Variants in NUP153 observed in about 807,000 individuals in gnomAD.
The protein encoded by NUP153 is nucleoporin 153, also known as nuclear pore complex protein Nup153.
NUP153 carries 27 observed loss-of-function variants against 134.6 expected under a neutral mutation model. That is an observed-to-expected ratio of 0.20 (90% CI 0.15 to 0.28). NUP153 has a LOEUF of 0.28. Among genes scored for constraint, NUP153 ranks in the 10% least tolerant of loss-of-function variants. The pLI is 1.00. For missense variants in NUP153, 1,821 were observed against 1,731.3 expected (o/e 1.05, Z -0.92); for synonymous variants, 640 against 623.5 (o/e 1.03, Z -0.40).
chr6:17,696,177 A>G (rs1769633038), intron 1 of NUP153, among the ~76,000 whole-genome samples: 1 of 152,222 alleles, frequency 6.6e-6, no homozygotes, highest in Non-Finnish European at 1.5e-5. Context: ...CCTGCCTACC[A>G]AACAGATCTG....
chr6:17,649,103 T>G, intron 12 of NUP153, 60 bp downstream of exon 12: 2 of 1,443,120 alleles, frequency 1.4e-6, no homozygotes, highest in Non-Finnish European at 1.9e-6. Flanking sequence ...ATAGGGTTTT[T>G]TTTAAATAAA....
intron 1 of NUP153, among the ~76,000 whole-genome samples, chr6:17,695,013 T>C (rs577801464): frequency 3.7e-4 from 56 of 151,788 alleles, no homozygotes; most frequent in Non-Finnish European, 6.0e-4. Flanking sequence ...GGAAGTACTA[T>C]GGACTGAACG....
At chr6:17,649,384 GGAA>G (rs1766391176) in intron 11 of NUP153, 84 bp from the exon 12 acceptor site, 16 of 1,272,828 alleles carry the variant, frequency 1.3e-5, no homozygotes, top group Non-Finnish European at 1.7e-5. Flanking sequence ...AAAGTATACA[GGAA>G]GAAGATGGTA....
intron 11 of NUP153, among the ~76,000 whole-genome samples, chr6:17,660,710 T>C (rs547878905): frequency 3.9e-5 from 6 of 152,150 alleles, no homozygotes; most frequent in African/African-American, 1.4e-4. Context: ...TGTCATATGG[T>C]GGAAATGTTG....
chr6:17,672,795 G>A (rs991382195), intron 5 of NUP153, among the ~76,000 whole-genome samples: 3 of 152,014 alleles, frequency 2.0e-5, no homozygotes, highest in Admixed American at 1.3e-4. Context: ...CCTGAGCAAC[G>A]TAGTAAGACT....
At chr6:17,654,215 T>C (rs1219099806) in intron 11 of NUP153, among the ~76,000 whole-genome samples, 3 of 152,124 alleles carry the variant, frequency 2.0e-5, no homozygotes, top group African/African-American at 7.2e-5. Context: ...CTGTCCAACC[T>C]CCAGCGTAGA....
chr6:17,671,648 G>C (rs930882966), intron 5 of NUP153, among the ~76,000 whole-genome samples: 1 of 152,108 alleles, frequency 6.6e-6, no homozygotes, highest in Admixed American at 6.5e-5. Flanking sequence ...CCATGTTCAT[G>C]GTTTGGAAGA....
In NUP153 at chr6:17,616,053, G is replaced by A. The variant is rs754723586; in HGVS notation, c.*44C>T. ...AGTACAATCCAGTATCTGAAAGCAG[G>A]GCACCAGCTGTTGTTAAAATTGAGT... On this transcript the variant is annotated 3_prime_UTR_variant, in exon 22 of 22. Coordinates refer to ENST00000262077, the MANE Select transcript of NUP153 (RefSeq NM_005124.4). 1.2e-5 allele frequency: 16 copies of A among 1,334,506 alleles called. No individual in the cohort carries two copies. In the East Asian group the frequency reaches 3.4e-4, roughly 29 times the overall value. The allele number at this position is 1,334,506 out of a possible 1,614,324, so 82.7% of individuals were successfully genotyped here.
chr6:17,664,586 T>C (rs916036866), intron 9 of NUP153, among the ~76,000 whole-genome samples: 2 of 152,150 alleles, frequency 1.3e-5, no homozygotes, highest in Non-Finnish European at 2.9e-5. Flanking sequence ...GACAAAGTAC[T>C]TAGGAGATGC....
chr6:17,658,313 T>C (rs975626077), intron 11 of NUP153, among the ~76,000 whole-genome samples: 8 of 152,152 alleles, frequency 5.3e-5, no homozygotes, highest in African/African-American at 1.9e-4. Flanking sequence ...CAAAAATAGC[T>C]TGAACCCAAG....
At chr6:17,641,077 A>G (rs755053700) in intron 14 of NUP153, among the ~76,000 whole-genome samples, 16 of 150,968 alleles carry the variant, frequency 1.1e-4, no homozygotes, top group Non-Finnish European at 1.9e-4. Flanking sequence ...CCTTGTATTT[A>G]GAGATCTACA....
At chr6:17,683,529 C>A (rs186181301) in intron 2 of NUP153, among the ~76,000 whole-genome samples, 2 of 152,180 alleles carry the variant, frequency 1.3e-5, no homozygotes, top group African/African-American at 4.8e-5. Context: ...TGTCCCCAAG[C>A]AAGAGGTCTC....
intron 11 of NUP153, among the ~76,000 whole-genome samples, chr6:17,649,869 T>G (rs1324750706): frequency 6.6e-6 from 1 of 152,214 alleles, no homozygotes; most frequent in Non-Finnish European, 1.5e-5. Flanking sequence ...ATCTGCAGTT[T>G]CAGGTATGAC....
intron 11 of NUP153, among the ~76,000 whole-genome samples, chr6:17,654,351 C>A (rs552750517): frequency 6.7e-6 from 1 of 150,120 alleles, no homozygotes; most frequent in African/African-American, 2.5e-5. Flanking sequence ...GACGGAGTTT[C>A]GATCTTGTTG....
At chr6:17,662,474 T>C (rs1203939664) in intron 9 of NUP153, among the ~76,000 whole-genome samples, 1 of 152,118 alleles carries the variant, frequency 6.6e-6, no homozygotes, top group Non-Finnish European at 1.5e-5. Context: ...CTTGGAAAAA[T>C]GGCTGATTAC....
At chr6:17,617,465 TAAAAAAA>T (rs71002233) in intron 20 of NUP153, among the ~76,000 whole-genome samples, 5 of 105,776 alleles carry the variant, frequency 4.7e-5, no homozygotes, top group Admixed American at 2.1e-4. Flanking sequence ...TAGTGGGAAT[TAAAAAAA>T]AAAAAAAAAA....
chr6:17,641,223 G>A (rs1386744314), intron 14 of NUP153, among the ~76,000 whole-genome samples: 1 of 152,016 alleles, frequency 6.6e-6, no homozygotes, highest in Non-Finnish European at 1.5e-5. Context: ...GAGGAGGGAT[G>A]GAACAAAAGA....
chr6:17,643,201 G>A (rs570962714), intron 14 of NUP153, among the ~76,000 whole-genome samples: 21 of 152,304 alleles, frequency 1.4e-4, no homozygotes, highest in South Asian at 4.1e-4. Context: ...GGCTGGACGC[G>A]GTGGCTCACA....
chr6:17,677,853 C>A (rs1339887548), intron 2 of NUP153, among the ~76,000 whole-genome samples: 1 of 150,168 alleles, frequency 6.7e-6, no homozygotes, highest in Non-Finnish European at 1.5e-5. Context: ...GGGATCCTTT[C>A]TTCTTTCGTG....
Sources: allele counts gnomAD v4.1 joint callset (sites outside exome capture counted in the v4.1 genomes callset), GRCh38; gene constraint gnomAD v4.1.1; transcripts MANE v1.5; gene names NCBI Gene and HGNC (gene_info 2026-07-23, HGNC 2026-07-21).